The following HS3ST5 variants were observed in gnomAD, a reference collection of about 807,000 sequenced individuals.
The protein encoded by HS3ST5 is heparan sulfate glucosamine 3-O-sulfotransferase 5.
In HS3ST5, 10 loss-of-function variants were observed where a neutral mutation model predicts 25.4. The observed-to-expected ratio is 0.39, with a 90% confidence interval of 0.24 to 0.67. HS3ST5 has a LOEUF of 0.67. Ranked by LOEUF, HS3ST5 falls within the 30% of genes least tolerant of loss-of-function variation. The probability of loss-of-function intolerance (pLI) is 0.44; values close to 1 mark genes in which losing one functional copy is unlikely to be tolerated. For missense variants in HS3ST5, 324 were observed against 420.7 expected, an observed-to-expected ratio of 0.77 and a Z score of 2.01; for synonymous variants, 170 against 162.4, an observed-to-expected ratio of 1.05 and a Z score of -0.36.
intron 3 of HS3ST5, among the ~76,000 whole-genome samples, chr6:114,165,631 C>A (rs1279031579): frequency 6.6e-6 from 1 of 152,096 alleles, no homozygotes; most frequent in African/African-American, 2.4e-5. Flanking sequence ...CTATAATATG[C>A]CTGAGGCAAC....
At chr6:114,134,075 A>G (rs1290908655) in intron 3 of HS3ST5, among the ~76,000 whole-genome samples, 3 of 152,146 alleles carry the variant, frequency 2.0e-5, no homozygotes, top group African/African-American at 7.2e-5. Context: ...ATTTAAAACA[A>G]TTCAAGTTTG....
At chr6:114,265,162 G>A (rs1432671956) in intron 1 of HS3ST5, among the ~76,000 whole-genome samples, 1 of 152,132 alleles carries the variant, frequency 6.6e-6, no homozygotes, top group East Asian at 1.9e-4. Context: ...TGGAATTACA[G>A]GTTTAAGCCA....
intron 2 of HS3ST5, among the ~76,000 whole-genome samples, chr6:114,207,771 A>G (rs1781339820): frequency 6.6e-6 from 1 of 152,194 alleles, no homozygotes; most frequent in Non-Finnish European, 1.5e-5. Context: ...ATTATATTGT[A>G]CTATCTATAG....
Position 114,298,981 on chromosome 6 carries a change from A to G in HS3ST5, c.-339+43214T>C, listed in dbSNP as rs556808586. 2.6e-5 allele frequency among the ~76,000 whole-genome samples: 4 copies of G among 152,342 alleles called. No individual in the cohort carries two copies. In the East Asian group the frequency reaches 7.7e-4, roughly 29 times the overall value. On this transcript the variant is annotated intron_variant, in intron 1 of 4. Transcript: ENST00000312719. ...CTGGGCACCTTAAAAAAAGAACAGG[A>G]TAACAGCAATGTTCAGGGAACAAGA...
intron 1 of HS3ST5, among the ~76,000 whole-genome samples, chr6:114,281,162 C>T (rs1774091311): frequency 6.6e-6 from 1 of 151,980 alleles, no homozygotes; most frequent in Non-Finnish European, 1.5e-5. Flanking sequence ...TCTCTGATCC[C>T]TTCCAATGTA....
intron 1 of HS3ST5, among the ~76,000 whole-genome samples, chr6:114,250,933 A>T (rs958541407): frequency 9.2e-5 from 14 of 152,202 alleles, no homozygotes; most frequent in Non-Finnish European, 1.6e-4. Flanking sequence ...AAGTGTTTTG[A>T]GTAAGTAAAT....
chr6:114,229,000 A>G (rs1182810171), intron 1 of HS3ST5, among the ~76,000 whole-genome samples: 1 of 151,916 alleles, frequency 6.6e-6, no homozygotes, highest in African/African-American at 2.4e-5. Context: ...TTAATTGACT[A>G]TTTTTTTCTA....
intron 1 of HS3ST5, among the ~76,000 whole-genome samples, chr6:114,288,101 G>C (rs1319547874): frequency 6.6e-6 from 1 of 152,042 alleles, no homozygotes; most frequent in Non-Finnish European, 1.5e-5. Flanking sequence ...CTCTATCAAT[G>C]TATAATACAT....
At chr6:114,175,996 A>G (rs1001299510) in intron 2 of HS3ST5, among the ~76,000 whole-genome samples, 2 of 152,202 alleles carry the variant, frequency 1.3e-5, no homozygotes, top group Admixed American at 6.5e-5. Context: ...AATTGTTTTC[A>G]TTGGCTCTCT....
intron 1 of HS3ST5, among the ~76,000 whole-genome samples, chr6:114,278,574 GA>G (rs869052446): frequency 6.8e-6 from 1 of 146,756 alleles, no homozygotes; most frequent in Non-Finnish European, 1.5e-5. Context: ...GAGGGACCAT[GA>G]ACTCATAATA....
Position 114,298,987 on chromosome 6 carries a change from G to C in HS3ST5, c.-339+43208C>G, listed in dbSNP as rs575162994. ...ACCTTAAAAAAAGAACAGGATAACA[G>C]CAATGTTCAGGGAACAAGAGAGATA... On this transcript the variant is annotated intron_variant, in intron 1 of 4. Coordinates refer to ENST00000312719, the MANE Select transcript of HS3ST5 (RefSeq NM_153612.4). 2.6e-5 allele frequency among the ~76,000 whole-genome samples: 4 copies of C among 152,300 alleles called. No individual in the cohort carries two copies. In the East Asian group the frequency reaches 7.7e-4, roughly 29 times the overall value.
chr6:114,085,996 C>G (rs1774794603), intron 3 of HS3ST5, among the ~76,000 whole-genome samples: 1 of 130,740 alleles, frequency 7.6e-6, no homozygotes, highest in Non-Finnish European at 1.6e-5. Flanking sequence ...CTTTTATGGA[C>G]ATTCAAAGAT....
At chr6:114,338,108 T>A (rs1177173202) in intron 1 of HS3ST5, among the ~76,000 whole-genome samples, 1 of 152,018 alleles carries the variant, frequency 6.6e-6, no homozygotes, top group Non-Finnish European at 1.5e-5. Context: ...AAAAAAAGTA[T>A]CATACTCCAT....
intron 1 of HS3ST5, among the ~76,000 whole-genome samples, chr6:114,316,277 CA>C (rs1775743903): frequency 6.6e-6 from 1 of 151,964 alleles, no homozygotes; most frequent in Non-Finnish European, 1.5e-5. Flanking sequence ...CAAATTATAC[CA>C]AAATGTCATC....
At position 114,290,843 on chromosome 6, in the gene HS3ST5, T is replaced by C. The variant is rs569130347; in HGVS notation, c.-339+51352A>G. ...TACAAGAGTTGTGTTACTATTTTTTTTTTAAGCAATCAGCCATTAACCCTT... is the reference window on the plus strand; with the variant it reads ...TACAAGAGTTGTGTTACTATTTTTTCTTTAAGCAATCAGCCATTAACCCTT... On this transcript the variant is annotated intron_variant, in intron 1 of 4. Coordinates refer to ENST00000312719, the MANE Select transcript of HS3ST5 (RefSeq NM_153612.4). Among the ~76,000 whole-genome samples, 66 of 152,160 alleles carry C rather than the reference T, an allele frequency of 4.3e-4. 1 individual carries two copies. The highest frequency in any genetic ancestry group is 3.4e-3 in the Middle Eastern group (1 of 294).
At chr6:114,119,081 T>C (rs111741413) in intron 3 of HS3ST5, among the ~76,000 whole-genome samples, 2,035 of 152,308 alleles carry the variant, frequency 0.013, 34 homozygotes, top group African/African-American at 0.043. Flanking sequence ...ACAATTCACC[T>C]GATTCAAAAA....
chr6:114,101,286 A>G (rs1463933374), intron 3 of HS3ST5, among the ~76,000 whole-genome samples: 1 of 152,252 alleles, frequency 6.6e-6, no homozygotes, highest in Non-Finnish European at 1.5e-5. Context: ...CCAAAGCACA[A>G]AAGTAACATG....
rs182202168 is a variant in HS3ST5 at position 114,252,496 on chromosome 6, C to G, written c.-338-23718G>C. Among the ~76,000 whole-genome samples, 196 of 152,252 alleles carry G rather than the reference C, an allele frequency of 1.3e-3. 1 individual carries two copies. The highest frequency in any genetic ancestry group is 4.5e-3 in the African/African-American group (186 of 41,548). ...TGAACATCTGTGGAGGGGGAATGAG[C>G]AAAAGTTCTAGATGGTTGCAAGAGA... On this transcript the variant is annotated intron_variant, in intron 1 of 4. Transcript: ENST00000312719.
intron 3 of HS3ST5, among the ~76,000 whole-genome samples, chr6:114,072,348 C>T (rs1773871719): frequency 6.6e-6 from 1 of 152,078 alleles, no homozygotes; most frequent in Non-Finnish European, 1.5e-5. Context: ...ATGGTAGAGT[C>T]ATGTGGTGAT....
Sources: gnomAD v4.1 joint callset for allele counts (sites outside exome capture counted in the v4.1 genomes callset) on GRCh38, gnomAD v4.1.1 for gene constraint, MANE v1.5 for transcripts, NCBI Gene and HGNC (gene_info 2026-07-23, HGNC 2026-07-21) for gene names.